Variants in TAF4 observed in about 807,000 individuals in gnomAD.
TAF4 encodes the protein TATA-box binding protein associated factor 4, also known as transcription initiation factor TFIID subunit 4.
Under a neutral mutation model 90.3 loss-of-function variants are expected in TAF4, and 9 were observed. The observed-to-expected ratio is 0.10, with a 90% CI of 0.06 to 0.17. The LOEUF (loss-of-function observed/expected upper bound fraction) is 0.17, where lower values mean the gene tolerates loss of function less well. Ranked by LOEUF, TAF4 falls within the 10% of genes least tolerant of loss-of-function variation. TAF4 has a pLI of 1.00. For missense variants in TAF4, 1,351 were observed against 1,370.7 expected, an observed-to-expected ratio of 0.99 and a Z score of 0.23; for synonymous variants, 818 against 638.9, an observed-to-expected ratio of 1.28 and a Z score of -4.23.
chr20:62,007,839 C>T, intron 5 of TAF4: 1 of 499,034 alleles, frequency 2.0e-6, no homozygotes, highest in East Asian at 3.9e-5. Flanking sequence ...GTGCAGCCAG[C>T]TGCGGACCAC....
intron 1 of TAF4, among the ~76,000 whole-genome samples, chr20:62,052,638 T>G (rs1410535518): frequency 6.6e-6 from 1 of 151,812 alleles, no homozygotes; most frequent in Admixed American, 6.6e-5. Flanking sequence ...AAGTGTCCCA[T>G]GGCTTGAACA....
chr20:62,064,879 GC>G lies in TAF4; in HGVS notation c.931del (p.Ala311GlnfsTer98). On this transcript the variant is annotated frameshift_variant, in exon 1 of 15. Coordinates refer to ENST00000252996, the MANE Select transcript of TAF4 (RefSeq NM_003185.4). LOFTEE classifies it high-confidence loss of function. ...AAAQNGGSAG[A>X]APAPAPAAGG... is the part of the protein sequence containing the mutation. Reference sequence around the variant, plus strand: ...GGCGGCCGGGGCGGGGGCGGGGGCTGCCCCGGCGCTGCCCCCGTTCTGGGCG... The same window carrying G: ...GGCGGCCGGGGCGGGGGCGGGGGCTGCCCGGCGCTGCCCCCGTTCTGGGCG... 1.1e-6 allele frequency: 1 copy of G among 910,024 alleles called. No individual in the cohort carries two copies. The highest frequency in any genetic ancestry group is 5.0e-5 in the South Asian group (1 of 20,198). 56.4% of individuals were successfully genotyped at this position (910,024 alleles called of 1,614,324 possible).
At chr20:62,029,546 G>C (rs541022580) in intron 1 of TAF4, among the ~76,000 whole-genome samples, 24 of 152,282 alleles carry the variant, frequency 1.6e-4, no homozygotes, top group African/African-American at 5.8e-4. Flanking sequence ...TGTACTTGGG[G>C]CTGCCGTGGT....
At chr20:61,995,502 G>C (rs1414516344) in intron 14 of TAF4, among the ~76,000 whole-genome samples, 1 of 152,126 alleles carries the variant, frequency 6.6e-6, no homozygotes, top group Non-Finnish European at 1.5e-5. Flanking sequence ...AGACCTGCAG[G>C]GCAGCATCAA....
At chr20:61,987,682 G>A (rs540762634) in intron 14 of TAF4, among the ~76,000 whole-genome samples, 3 of 152,322 alleles carry the variant, frequency 2.0e-5, no homozygotes, top group East Asian at 1.9e-4. Context: ...AAAACTAAAC[G>A]TGCTCTTACC....
chr20:62,027,592 C>T (rs1409624694), intron 1 of TAF4, among the ~76,000 whole-genome samples: 3 of 152,178 alleles, frequency 2.0e-5, no homozygotes, highest in Admixed American at 1.3e-4. Flanking sequence ...TACCTGTCTC[C>T]GTTTCTCCTG....
chr20:62,026,681 A>G (rs1406547403), intron 1 of TAF4, among the ~76,000 whole-genome samples: 1 of 152,186 alleles, frequency 6.6e-6, no homozygotes, highest in Non-Finnish European at 1.5e-5. Context: ...CACACTCGGC[A>G]CAGGAAAGAG....
chr20:62,054,739 G>A (rs1326635576), intron 1 of TAF4, among the ~76,000 whole-genome samples: 1 of 152,100 alleles, frequency 6.6e-6, no homozygotes, highest in Non-Finnish European at 1.5e-5. Flanking sequence ...CCTTGGAGGT[G>A]CCGGCACCTG....
intron 1 of TAF4, among the ~76,000 whole-genome samples, chr20:62,036,088 A>T (rs2145497712): frequency 6.6e-6 from 1 of 151,710 alleles, no homozygotes; most frequent in African/African-American, 2.4e-5. Context: ...CAGTGGCGCA[A>T]TCTCAGCTCA....
At chr20:62,054,463 C>G (rs112615062) in intron 1 of TAF4, among the ~76,000 whole-genome samples, 3 of 152,324 alleles carry the variant, frequency 2.0e-5, no homozygotes, top group African/African-American at 7.2e-5. Flanking sequence ...CCTCTGCCAT[C>G]GCTGCGCTGG....
intron 1 of TAF4, among the ~76,000 whole-genome samples, chr20:62,059,260 T>C (rs540324695): frequency 6.6e-6 from 1 of 152,356 alleles, no homozygotes. Flanking sequence ...CACCAGGTAC[T>C]TTCTCAAATG....
chr20:62,064,614 C>T lies in TAF4; in HGVS notation c.1197G>A (p.Gly399=), dbSNP rs2056111436. The T allele has an allele frequency of 7.2e-7, 1 of 1,396,620 alleles. No individual in the cohort carries two copies. The highest frequency in any genetic ancestry group is 9.3e-7 in the Non-Finnish European group (1 of 1,080,596). The allele number at this position is 1,396,620 out of a possible 1,614,324, so 86.5% of individuals were successfully genotyped here. ...CTGCGCCGGCCGCGCCTTTGGGCAGCCCGGTGGGGGTCCCGGGGGCGGGCG... is the reference window on the plus strand; with the variant it reads ...CTGCGCCGGCCGCGCCTTTGGGCAGTCCGGTGGGGGTCCCGGGGGCGGGCG... ...VPPPAPGTPT[G]LPKGAAGAVT... Residue 399 remains glycine, a synonymous_variant, in exon 1 of 15, where the codon GGG becomes GGA. Coordinates refer to ENST00000252996, the MANE Select transcript of TAF4 (RefSeq NM_003185.4).
chr20:62,003,363 T>C (rs1031487927), intron 8 of TAF4, 89 bp from the exon 9 acceptor site: 1 of 1,044,108 alleles, frequency 9.6e-7, no homozygotes, highest in African/African-American at 1.6e-5. Context: ...AGGGCACAGC[T>C]ACCACTCTCC....
rs1397265411 is a variant in TAF4, at chr20:62,065,227, G to C, written c.584C>G (p.Ala195Gly). Reference sequence around the variant, plus strand: ...CGCGGCGCTCCCATTCAAAGTTTGCGCGGCGCCGGGGCCGGCGGGCTTGCC... The same window carrying C: ...CGCGGCGCTCCCATTCAAAGTTTGCCCGGCGCCGGGGCCGGCGGGCTTGCC... ...GPGKPAGPGA[A>G]QTLNGSAALL... Residue 195 changes from alanine to glycine, a missense_variant, in exon 1 of 15, where the codon GCG (alanine) becomes GGG (glycine). By Grantham distance (60) the Ala-to-Gly change is moderately conservative (BLOSUM62 0). Transcript: ENST00000252996. 8.8e-7 allele frequency: 1 copy of C among 1,138,862 alleles called. No individual in the cohort carries two copies. The highest frequency in any genetic ancestry group is 3.3e-5 in the Admixed American group (1 of 30,078). 70.5% of individuals were successfully genotyped at this position (1,138,862 alleles called of 1,614,324 possible). A position where few individuals can be genotyped will look rare whatever the true frequency, so the allele number is the denominator to read the frequency against.
intron 14 of TAF4, among the ~76,000 whole-genome samples, chr20:61,976,886 C>T (rs1278273371): frequency 1.8e-4 from 27 of 152,312 alleles, no homozygotes; most frequent in Admixed American, 1.4e-3. Context: ...GCACAGACGC[C>T]GCCTCCGTCA....
At chr20:62,039,232 T>C (rs1160152255) in intron 1 of TAF4, among the ~76,000 whole-genome samples, 1 of 152,174 alleles carries the variant, frequency 6.6e-6, no homozygotes, top group Non-Finnish European at 1.5e-5. Context: ...TGGAAAGTGC[T>C]GAGCTGCAGA....
intron 14 of TAF4, among the ~76,000 whole-genome samples, chr20:61,982,100 A>C (rs1238418313): frequency 2.8e-5 from 3 of 108,296 alleles, no homozygotes; most frequent in African/African-American, 1.1e-4. Context: ...AACCCACACA[A>C]CACACACCCA....
At chr20:62,018,313 G>A (rs537562725) in intron 1 of TAF4, among the ~76,000 whole-genome samples, 10 of 152,310 alleles carry the variant, frequency 6.6e-5, no homozygotes, top group South Asian at 4.1e-4. Context: ...GAACACCAAC[G>A]GCTGCATCCA....
chr20:62,007,219 C>T (rs1056827696), intron 6 of TAF4, among the ~76,000 whole-genome samples: 3 of 152,198 alleles, frequency 2.0e-5, no homozygotes, highest in Non-Finnish European at 4.4e-5. Flanking sequence ...ACAGAGACAG[C>T]CTGACGCTGT....
Sources: allele counts gnomAD v4.1 joint callset (sites outside exome capture counted in the v4.1 genomes callset), GRCh38; gene constraint gnomAD v4.1.1; transcripts MANE v1.5; gene names NCBI Gene and HGNC (gene_info 2026-07-23, HGNC 2026-07-21).